The following DNAJC1 variants were observed in gnomAD, a reference collection of about 807,000 sequenced individuals.
DNAJC1 encodes the protein DnaJ heat shock protein family (Hsp40) member C1, also known as dnaJ homolog subfamily C member 1.
Under a neutral mutation model 76.6 loss-of-function variants are expected in DNAJC1, and 58 were observed. The observed-to-expected ratio is 0.76, with a 90% CI of 0.61 to 0.94. The LOEUF is 0.94. DNAJC1 is among the 40% of genes least tolerant of loss of function. The probability of loss-of-function intolerance (pLI) is 0.00; values close to 1 mark genes in which losing one functional copy is unlikely to be tolerated. For synonymous variants in DNAJC1, 258 were observed against 267.9 expected (o/e 0.96, Z 0.36); for missense variants, 689 against 677.3 (o/e 1.02, Z -0.19).
At chr10:21,818,771 A>G (rs1440262666) in intron 8 of DNAJC1, among the ~76,000 whole-genome samples, 1 of 152,224 alleles carries the variant, frequency 6.6e-6, no homozygotes, top group Non-Finnish European at 1.5e-5. Context: ...ATACTATTCA[A>G]AAAGATTCAA....
intron 8 of DNAJC1, among the ~76,000 whole-genome samples, chr10:21,849,174 T>C (rs1835708345): frequency 6.6e-6 from 1 of 150,814 alleles, no homozygotes; most frequent in Non-Finnish European, 1.5e-5. Flanking sequence ...GCACCTGTAA[T>C]CCCAGCTACT....
At chr10:21,836,722 A>C (rs1164731554) in intron 8 of DNAJC1, among the ~76,000 whole-genome samples, 1 of 152,186 alleles carries the variant, frequency 6.6e-6, no homozygotes, top group Non-Finnish European at 1.5e-5. Flanking sequence ...AGATCAAAAG[A>C]GACAAAGAAG....
chr10:21,956,919 C>CA (rs1837696018), intron 1 of DNAJC1, among the ~76,000 whole-genome samples: 1 of 138,966 alleles, frequency 7.2e-6, no homozygotes, highest in Admixed American at 7.4e-5. Context: ...TTTTTTGAGA[C>CA]AGAGTTTTGC....
chr10:21,997,787 G>A lies in DNAJC1; in HGVS notation c.222+5426C>T, dbSNP rs78615935. Among the ~76,000 whole-genome samples, 1,275 of 152,234 alleles carry A rather than the reference G, an allele frequency of 8.4e-3. 16 individuals carry two copies. Among genetic ancestry groups the A allele is most frequent in the African/African-American group, 0.029 (1,188 of 41,530 alleles). On this transcript the variant is annotated intron_variant, in intron 1 of 11. Coordinates refer to ENST00000376980, the MANE Select transcript of DNAJC1 (RefSeq NM_022365.4). Reference sequence around the variant, plus strand: ...CCAAATATTTTATAAGCACATCCCTGTTCTTCTGCTTTTCTTCTGTTAACC... The same window carrying A: ...CCAAATATTTTATAAGCACATCCCTATTCTTCTGCTTTTCTTCTGTTAACC...
At chr10:21,766,013 A>T (rs375682424) in intron 10 of DNAJC1, among the ~76,000 whole-genome samples, 1 of 152,190 alleles carries the variant, frequency 6.6e-6, no homozygotes, top group South Asian at 2.1e-4. Context: ...CCCACAAATT[A>T]AACTATAGAA....
At chr10:21,948,896 A>G (rs1209968010) in intron 1 of DNAJC1, among the ~76,000 whole-genome samples, 8 of 152,170 alleles carry the variant, frequency 5.3e-5, no homozygotes, top group African/African-American at 1.7e-4. Context: ...CTCCCTCCCA[A>G]TTGGAGAATT....
intron 9 of DNAJC1, among the ~76,000 whole-genome samples, chr10:21,804,713 AAACTTC>A (rs1174097036): frequency 6.6e-6 from 1 of 151,942 alleles, no homozygotes; most frequent in African/African-American, 2.4e-5. Context: ...CCCTATGATC[AAACTTC>A]AACTCTGAAG....
chr10:21,841,450 A>G (rs1835572867), intron 8 of DNAJC1, among the ~76,000 whole-genome samples: 1 of 152,240 alleles, frequency 6.6e-6, no homozygotes, highest in Non-Finnish European at 1.5e-5. Flanking sequence ...AAGGATATGA[A>G]CAGACACTTC....
At chr10:21,808,098 T>A (rs1834909740) in intron 8 of DNAJC1, among the ~76,000 whole-genome samples, 1 of 152,178 alleles carries the variant, frequency 6.6e-6, no homozygotes, top group African/African-American at 2.4e-5. Context: ...TTGAAGTTGA[T>A]CATTGCATAA....
At chr10:21,974,510 T>G (rs961308201) in intron 1 of DNAJC1, among the ~76,000 whole-genome samples, 8 of 152,206 alleles carry the variant, frequency 5.3e-5, no homozygotes, top group Non-Finnish European at 1.2e-4. Flanking sequence ...ACCATAAACT[T>G]TTTTATTGAA....
chr10:21,954,798 T>G (rs569605233), intron 1 of DNAJC1, among the ~76,000 whole-genome samples: 6 of 152,268 alleles, frequency 3.9e-5, no homozygotes. Flanking sequence ...CCCTGTAAGA[T>G]AGGTACTACT....
intron 8 of DNAJC1, among the ~76,000 whole-genome samples, chr10:21,880,214 C>A (rs192172488): frequency 1.3e-5 from 2 of 152,316 alleles, no homozygotes; most frequent in South Asian, 2.1e-4. Flanking sequence ...TTGCTATTCA[C>A]ACCATATCAG....
At chr10:21,958,117 CAG>C (rs755984615) in intron 1 of DNAJC1, among the ~76,000 whole-genome samples, 3 of 151,974 alleles carry the variant, frequency 2.0e-5, no homozygotes, top group Non-Finnish European at 2.9e-5. Flanking sequence ...TATTTTAAAA[CAG>C]AAACATATAA....
chr10:21,756,794 G>A, intron 11 of DNAJC1, 39 bp from the exon 12 acceptor site: 1 of 1,593,106 alleles, frequency 6.3e-7, no homozygotes, highest in East Asian at 2.2e-5. Flanking sequence ...ACAGTCACTT[G>A]CACAAGTCAG....
intron 6 of DNAJC1, among the ~76,000 whole-genome samples, chr10:21,909,878 C>T (rs962019841): frequency 6.6e-6 from 1 of 152,180 alleles, no homozygotes; most frequent in Non-Finnish European, 1.5e-5. Flanking sequence ...TGCCCACTTT[C>T]CTATCAACCA....
At chr10:21,838,452 C>T (rs557768506) in intron 8 of DNAJC1, among the ~76,000 whole-genome samples, 5 of 152,154 alleles carry the variant, frequency 3.3e-5, no homozygotes, top group Admixed American at 1.3e-4. Context: ...ATCACCACTC[C>T]GTAATCTCAA....
At chr10:21,843,136 C>T (rs1445722888) in intron 8 of DNAJC1, among the ~76,000 whole-genome samples, 1 of 152,046 alleles carries the variant, frequency 6.6e-6, no homozygotes, top group Admixed American at 6.6e-5. Context: ...GGAAAAATGT[C>T]TCATGAATTG....
At chr10:21,857,738 C>A (rs990044522) in intron 8 of DNAJC1, among the ~76,000 whole-genome samples, 1 of 152,108 alleles carries the variant, frequency 6.6e-6, no homozygotes, top group African/African-American at 2.4e-5. Context: ...TGCCTGTAGT[C>A]CCAGCTACTC....
intron 9 of DNAJC1, among the ~76,000 whole-genome samples, chr10:21,780,588 G>A (rs1834514930): frequency 6.6e-6 from 1 of 152,158 alleles, no homozygotes; most frequent in Non-Finnish European, 1.5e-5. Context: ...ATGAGCTCCT[G>A]AAGGAAGCAC....
Sources: gnomAD v4.1 joint callset for allele counts (sites outside exome capture counted in the v4.1 genomes callset) on GRCh38, gnomAD v4.1.1 for gene constraint, MANE v1.5 for transcripts, NCBI Gene and HGNC (gene_info 2026-07-23, HGNC 2026-07-21) for gene names.